Variants in LRRC4C observed in about 807,000 individuals in gnomAD.
The protein encoded by LRRC4C is leucine rich repeat containing 4C.
LRRC4C carries 5 observed loss-of-function variants against 33.6 expected under a neutral mutation model. The ratio of observed to expected loss-of-function variants is 0.15; its 90% confidence interval spans 0.08 to 0.31. LRRC4C has a LOEUF of 0.31. Ranked by LOEUF, LRRC4C falls within the 10% of genes least tolerant of loss-of-function variation. The pLI is 1.00. For synonymous variants in LRRC4C, 329 were observed against 302.0 expected, an observed-to-expected ratio of 1.09 and a Z score of -0.93; for missense variants, 560 against 796.7, an observed-to-expected ratio of 0.70 and a Z score of 3.58.
intron 1 of LRRC4C, among the ~76,000 whole-genome samples, chr11:41,137,144 A>T (rs1943299509): frequency 6.6e-6 from 1 of 151,916 alleles, no homozygotes; most frequent in Non-Finnish European, 1.5e-5. Flanking sequence ...GCTACTTGGG[A>T]CACTGAGGCA....
At chr11:40,906,521 A>G (rs1196148641) in intron 2 of LRRC4C, among the ~76,000 whole-genome samples, 1 of 152,172 alleles carries the variant, frequency 6.6e-6, no homozygotes, top group Admixed American at 6.5e-5. Context: ...AAAACAAACA[A>G]ACAGACAAAC....
chr11:40,895,437 A>G (rs1305807622), intron 2 of LRRC4C, among the ~76,000 whole-genome samples: 3 of 152,154 alleles, frequency 2.0e-5, no homozygotes, highest in Non-Finnish European at 4.4e-5. Flanking sequence ...AACAGTGAGT[A>G]CTAAACATCC....
intron 3 of LRRC4C, among the ~76,000 whole-genome samples, chr11:40,607,987 G>T (rs1348237308): frequency 6.6e-6 from 1 of 152,106 alleles, no homozygotes; most frequent in Admixed American, 6.6e-5. Context: ...CATGCCCTGC[G>T]AGGGGGATAA....
intron 2 of LRRC4C, among the ~76,000 whole-genome samples, chr11:40,830,420 C>T: frequency 6.6e-6 from 1 of 152,112 alleles, no homozygotes; most frequent in East Asian, 1.9e-4. Flanking sequence ...AGACTCTACG[C>T]TCCTTTGTGT....
At chr11:40,548,666 T>G (rs145372435) in intron 3 of LRRC4C, among the ~76,000 whole-genome samples, 1 of 152,236 alleles carries the variant, frequency 6.6e-6, no homozygotes, top group Non-Finnish European at 1.5e-5. Flanking sequence ...ATGCTTGACA[T>G]GCTCTAGGAA....
chr11:41,305,135 G>A (rs1292236287), intron 1 of LRRC4C, among the ~76,000 whole-genome samples: 3 of 49,210 alleles, frequency 6.1e-5, no homozygotes, highest in African/African-American at 1.7e-4. Context: ...CAGCCGCCCC[G>A]TCCGGGAGGT....
At position 40,483,873 on chromosome 11, in the gene LRRC4C, C is replaced by T. The variant is rs1420549784; in HGVS notation, c.-269-164152G>A. ...GAAAAAATCCAACACTTAAGTAGAA[C>T]TGATATTTAAAACAATAATCCAAAA... On this transcript the variant is annotated intron_variant, in intron 3 of 6. Transcript: ENST00000528697. 2.6e-5 allele frequency among the ~76,000 whole-genome samples: 4 copies of T among 151,508 alleles called. No individual in the cohort carries two copies. The East Asian group carries it at 5.8e-4, about 22-fold the overall frequency.
At chr11:40,373,202 C>T (rs1022400269) in intron 3 of LRRC4C, among the ~76,000 whole-genome samples, 5 of 152,150 alleles carry the variant, frequency 3.3e-5, no homozygotes, top group African/African-American at 9.6e-5. Context: ...ATTTCAAAGA[C>T]AAAATAATAA....
chr11:41,402,723 C>T lies in LRRC4C; in HGVS notation c.-496+56708G>A, dbSNP rs544454005. Reference sequence around the variant, plus strand: ...GAAAGGAAAAAATGAAGAAGAACTCCAGACAGAGTAAATACCAAGAAACAG... The same window carrying T: ...GAAAGGAAAAAATGAAGAAGAACTCTAGACAGAGTAAATACCAAGAAACAG... On this transcript the variant is annotated intron_variant, in intron 1 of 6. Coordinates refer to ENST00000528697, the MANE Select transcript of LRRC4C (RefSeq NM_001258419.2). Among the ~76,000 whole-genome samples the T allele has an allele frequency of 4.0e-5, 6 of 151,898 alleles. No individual in the cohort carries two copies. In the East Asian group the frequency reaches 1.2e-3, roughly 30 times the overall value.
At chr11:40,762,286 T>C (rs187118383) in intron 2 of LRRC4C, among the ~76,000 whole-genome samples, 1 of 152,276 alleles carries the variant, frequency 6.6e-6, no homozygotes, top group East Asian at 1.9e-4. Flanking sequence ...TACTTTTTCA[T>C]GAGAATCTAA....
intron 5 of LRRC4C, among the ~76,000 whole-genome samples, chr11:40,148,937 A>C (rs1474535342): frequency 6.6e-6 from 1 of 152,190 alleles, no homozygotes; most frequent in Non-Finnish European, 1.5e-5. Context: ...TTGAATATGG[A>C]GTCCTTTCCA....
chr11:41,164,062 T>C (rs1944605605), intron 1 of LRRC4C, among the ~76,000 whole-genome samples: 1 of 152,294 alleles, frequency 6.6e-6, no homozygotes, highest in East Asian at 1.9e-4. Flanking sequence ...ACCTCAAACA[T>C]TTATCAATTA....
chr11:41,285,779 C>T (rs1949806920), intron 1 of LRRC4C, among the ~76,000 whole-genome samples: 2 of 152,090 alleles, frequency 1.3e-5, no homozygotes, highest in South Asian at 4.1e-4. Context: ...ATGTCATGGT[C>T]ATTACATGGT....
intron 1 of LRRC4C, among the ~76,000 whole-genome samples, chr11:41,457,125 G>A (rs1956194111): frequency 6.6e-6 from 1 of 152,098 alleles, no homozygotes; most frequent in Non-Finnish European, 1.5e-5. Flanking sequence ...TTGTTTTGAG[G>A]TAGTATTGAG....
intron 2 of LRRC4C, among the ~76,000 whole-genome samples, chr11:40,653,087 C>T (rs1942901294): frequency 6.6e-6 from 1 of 152,192 alleles, no homozygotes; most frequent in Non-Finnish European, 1.5e-5. Context: ...GTCAATTAAA[C>T]TTCTGTTATA....
intron 2 of LRRC4C, among the ~76,000 whole-genome samples, chr11:40,810,670 A>G (rs954454214): frequency 1.3e-5 from 2 of 152,136 alleles, no homozygotes; most frequent in African/African-American, 4.8e-5. Flanking sequence ...ACCAACATCT[A>G]TCTGAGGGCT....
intron 1 of LRRC4C, among the ~76,000 whole-genome samples, chr11:41,355,877 A>C (rs1452339671): frequency 6.6e-6 from 1 of 152,118 alleles, no homozygotes; most frequent in Non-Finnish European, 1.5e-5. Flanking sequence ...GTGAAAATAT[A>C]TTCTAATTAA....
At chr11:40,708,938 T>C (rs1384201405) in intron 2 of LRRC4C, among the ~76,000 whole-genome samples, 1 of 152,226 alleles carries the variant, frequency 6.6e-6, no homozygotes, top group Non-Finnish European at 1.5e-5. Context: ...GCTCTTCTTG[T>C]TGAATTGATC....
intron 2 of LRRC4C, among the ~76,000 whole-genome samples, chr11:40,828,150 C>CGT (rs1952246335): frequency 2.0e-5 from 1 of 51,262 alleles, no homozygotes; most frequent in Non-Finnish European, 4.4e-5. Flanking sequence ...TGTATACAAA[C>CGT]ATACACACAC....
Sources: allele counts gnomAD v4.1 joint callset (sites outside exome capture counted in the v4.1 genomes callset), GRCh38; gene constraint gnomAD v4.1.1; transcripts MANE v1.5; gene names NCBI Gene and HGNC (gene_info 2026-07-23, HGNC 2026-07-21).